Variants in TBXAS1 observed in about 807,000 individuals in gnomAD.
TBXAS1 encodes the protein thromboxane A synthase 1.
Under a neutral mutation model 60.7 loss-of-function variants are expected in TBXAS1, and 48 were observed. The observed-to-expected ratio is 0.79, with a 90% CI of 0.63 to 1.01. TBXAS1 has a LOEUF of 1.01. Ranked by LOEUF, TBXAS1 falls within the 50% of genes least tolerant of loss-of-function variation. The pLI is 0.00. For synonymous variants in TBXAS1, 287 were observed against 269.7 expected, an observed-to-expected ratio of 1.06 and a Z score of -0.63; for missense variants, 685 against 686.3, an observed-to-expected ratio of 1.00 and a Z score of 0.02.
chr7:139,993,192 A>G (rs1422214707), intron 9 of TBXAS1, among the ~76,000 whole-genome samples: 1 of 151,968 alleles, frequency 6.6e-6, no homozygotes. Flanking sequence ...AAATACATAA[A>G]TGGGAAGTCA....
chr7:139,996,251 G>C (rs941871528), intron 9 of TBXAS1, among the ~76,000 whole-genome samples: 1 of 152,068 alleles, frequency 6.6e-6, no homozygotes, highest in African/African-American at 2.4e-5. Flanking sequence ...ACAGGCGTGA[G>C]CCACCGTGCC....
At chr7:139,956,259 G>A (rs1456537385) in intron 7 of TBXAS1, among the ~76,000 whole-genome samples, 1 of 152,170 alleles carries the variant, frequency 6.6e-6, no homozygotes. Context: ...CGATTCTCCT[G>A]CCTCAGCCTC....
chr7:139,991,842 G>C (rs1812932097), intron 9 of TBXAS1, among the ~76,000 whole-genome samples: 2 of 152,208 alleles, frequency 1.3e-5, no homozygotes, highest in African/African-American at 4.8e-5. Context: ...AAGCCCCGGA[G>C]AGCACGGGCA....
rs1238810672 is a variant in TBXAS1, at chr7:139,957,704, C to CT, written c.765dup (p.Asn256Ter). The CT allele has an allele frequency of 1.2e-5, 19 of 1,613,950 alleles. No individual in the cohort carries two copies. The highest frequency in any genetic ancestry group is 4.0e-5 in the African/African-American group (3 of 74,884). ...ATAAGAACCGAGACGAACTGAATGGCTTTTTTAACAAACTCATTAGGAATG... is the reference window on the plus strand; with the variant it reads ...ATAAGAACCGAGACGAACTGAATGGCTTTTTTTAACAAACTCATTAGGAATG... On this transcript the variant is annotated frameshift_variant, in exon 8 of 13. Coordinates refer to ENST00000448866, the MANE Select transcript of TBXAS1 (RefSeq NM_001061.7). LOFTEE classifies it high-confidence loss of function.
chr7:139,918,684 C>A (rs1399898550), intron 4 of TBXAS1, among the ~76,000 whole-genome samples: 1 of 152,174 alleles, frequency 6.6e-6, no homozygotes, highest in Admixed American at 6.5e-5. Context: ...CTCCGTCAGG[C>A]AGGACTGCCA....
Position 140,013,358 on chromosome 7 carries a change from A to C in TBXAS1, c.1227-2365A>C, listed in dbSNP as rs1461965911. On this transcript the variant is annotated intron_variant, in intron 10 of 12. Coordinates refer to ENST00000448866, the MANE Select transcript of TBXAS1 (RefSeq NM_001061.7). This position sits in a 1 kb window ranked among gnomAD's most constrained non-coding sequence, Gnocchi z 4.2. ...CAAGAATTTTCTGGAGCAGAGAGGA[A>C]GTCACTGACACAGGTGGTCTCGATG... 1.3e-5 allele frequency among the ~76,000 whole-genome samples: 2 copies of C among 152,206 alleles called. No homozygotes were observed. The highest frequency in any genetic ancestry group is 2.9e-5 in the Non-Finnish European group (2 of 68,024).
intron 3 of TBXAS1, among the ~76,000 whole-genome samples, chr7:139,890,888 T>A (rs1332190571): frequency 6.6e-6 from 1 of 151,934 alleles, no homozygotes; most frequent in Non-Finnish European, 1.5e-5. Context: ...ATTCCAATTG[T>A]GTTTAATGTG....
At chr7:139,920,897 T>C (rs1315045254) in intron 4 of TBXAS1, among the ~76,000 whole-genome samples, 1 of 152,178 alleles carries the variant, frequency 6.6e-6, no homozygotes, top group Non-Finnish European at 1.5e-5. Flanking sequence ...GACAAGCGTG[T>C]GCTCAATGAA....
chr7:139,817,366 T>C (rs1327963037), intron 4 of TBXAS1, among the ~76,000 whole-genome samples: 1 of 152,140 alleles, frequency 6.6e-6, no homozygotes, highest in Non-Finnish European at 1.5e-5. Flanking sequence ...GCAAGTCCTG[T>C]GGCCTGTCCT....
At chr7:139,946,508 A>G (rs748163406) in intron 5 of TBXAS1, among the ~76,000 whole-genome samples, 3 of 152,236 alleles carry the variant, frequency 2.0e-5, no homozygotes, top group Non-Finnish European at 2.9e-5. Context: ...CAACACCTGA[A>G]CTAGGAGGTG....
chr7:139,807,895 A>G (rs2116386498), intron 4 of TBXAS1, among the ~76,000 whole-genome samples: 1 of 152,194 alleles, frequency 6.6e-6, no homozygotes, highest in Non-Finnish European at 1.5e-5. Flanking sequence ...GCTCTTTAGC[A>G]TTTGCTGACA....
At chr7:139,944,689 G>A (rs747906730) in intron 5 of TBXAS1, among the ~76,000 whole-genome samples, 7 of 152,052 alleles carry the variant, frequency 4.6e-5, no homozygotes, top group Non-Finnish European at 7.3e-5. Flanking sequence ...TCAAGGCAGC[G>A]GTGTCCACTG....
chr7:139,869,933 C>A (rs1284058103), intron 1 of TBXAS1, among the ~76,000 whole-genome samples: 1 of 152,142 alleles, frequency 6.6e-6, no homozygotes. Flanking sequence ...GGTAGGGAGA[C>A]AAATGGAACC....
chr7:140,018,480 T>C (rs1406048744), intron 12 of TBXAS1, among the ~76,000 whole-genome samples: 1 of 152,168 alleles, frequency 6.6e-6, no homozygotes, highest in Non-Finnish European at 1.5e-5. Context: ...GGTCCTAGAC[T>C]GGTGCACAGA....
At chr7:139,985,566 GATGAA>G (rs1305316728) in intron 9 of TBXAS1, among the ~76,000 whole-genome samples, 1 of 152,188 alleles carries the variant, frequency 6.6e-6, no homozygotes, top group Non-Finnish European at 1.5e-5. Flanking sequence ...AAATACACTG[GATGAA>G]AAAGCTACTT....
At chr7:139,869,816 C>A (rs1419788463) in intron 1 of TBXAS1, among the ~76,000 whole-genome samples, 1 of 152,202 alleles carries the variant, frequency 6.6e-6, no homozygotes, top group Non-Finnish European at 1.5e-5. Context: ...CAACCCATTA[C>A]AACTGGGGTT....
chr7:139,995,734 G>A (rs1478662886), intron 9 of TBXAS1, among the ~76,000 whole-genome samples: 1 of 152,154 alleles, frequency 6.6e-6, no homozygotes, highest in Non-Finnish European at 1.5e-5. Context: ...GATGCCATGG[G>A]GCCTGGCTCC....
At chr7:139,888,870 T>C (rs1803329650) in intron 3 of TBXAS1, among the ~76,000 whole-genome samples, 1 of 151,858 alleles carries the variant, frequency 6.6e-6, no homozygotes, top group Admixed American at 6.6e-5. Flanking sequence ...AGGTGGGTTA[T>C]TTAAAGAAAG....
intron 1 of TBXAS1, among the ~76,000 whole-genome samples, chr7:139,833,367 C>T (rs1378153470): frequency 2.6e-5 from 4 of 151,678 alleles, no homozygotes; most frequent in East Asian, 1.9e-4. Flanking sequence ...CAAAACAAAT[C>T]GTAAAGCAAC....
Sources: gnomAD v4.1 joint callset for allele counts (sites outside exome capture counted in the v4.1 genomes callset) on GRCh38, gnomAD v4.1.1 for gene constraint, Gnocchi (gnomAD v3.1) non-coding constraint, MANE v1.5 for transcripts, NCBI Gene and HGNC (gene_info 2026-07-23, HGNC 2026-07-21) for gene names.